The following VDR variants were observed in gnomAD, a reference collection of about 807,000 sequenced individuals.
VDR encodes vitamin D3 receptor.
Under a neutral mutation model 39.7 loss-of-function variants are expected in VDR, and 19 were observed. The ratio of observed to expected loss-of-function variants is 0.48; its 90% CI spans 0.33 to 0.70. The LOEUF (loss-of-function observed/expected upper bound fraction) is 0.70, where lower values mean the gene tolerates loss of function less well. VDR is among the 30% of genes least tolerant of loss of function. VDR has a pLI of 0.02. For missense variants in VDR, 442 were observed against 570.5 expected, an observed-to-expected ratio of 0.77 and a Z score of 2.29; for synonymous variants, 242 against 215.8, an observed-to-expected ratio of 1.12 and a Z score of -1.07.
chr12:47,873,963 C>T (rs533085281), intron 3 of VDR, among the ~76,000 whole-genome samples: 2 of 152,306 alleles, frequency 1.3e-5, no homozygotes, highest in East Asian at 3.9e-4. Flanking sequence ...AACCCAAGCA[C>T]AGGGAAGATC....
rs963651705 is a variant in VDR at position 47,842,195 on chromosome 12, G to C, written c.*2551C>G. 1 of 152,578 alleles carries C rather than the reference G, an allele frequency of 6.6e-6. No homozygotes were observed. Among genetic ancestry groups the C allele is most frequent in the African/African-American group, 2.4e-5 (1 of 41,458 alleles). The allele number at this position is 152,578 out of a possible 1,614,324, so 9.5% of individuals were successfully genotyped here. On this transcript the variant is annotated 3_prime_UTR_variant, in exon 10 of 10. Transcript: ENST00000549336. ...GCATTATCCAAGGCTGAGGTGGAGA[G>C]CCCAGCAGGCCAGGGCCACATCGTG...
intron 6 of VDR, 137 bp downstream of exon 6, chr12:47,856,992 G>A (rs1422283985): frequency 1.8e-5 from 24 of 1,351,480 alleles, no homozygotes; most frequent in East Asian, 1.5e-4. Context: ...TTGTGAAGAC[G>A]CTGCATAGCG....
chr12:47,846,465 TG>T lies in VDR; in HGVS notation c.908-15del, dbSNP rs754403951. 3 of 1,561,704 alleles carry T rather than the reference TG, an allele frequency of 1.9e-6. No individual in the cohort carries two copies. In the East Asian group the frequency reaches 7.1e-5, roughly 37 times the overall value. ...GGCTGTGTCCGGCTGTGAGAGACAATGGCCAGGTACTGCGGGCAGAGCTGAG... is the reference window on the plus strand; with the variant it reads ...GGCTGTGTCCGGCTGTGAGAGACAATGCCAGGTACTGCGGGCAGAGCTGAG... On this transcript the variant is annotated splice_polypyrimidine_tract_variant and intron_variant, in intron 8 of 9. Transcript: ENST00000549336.
intron 3 of VDR, among the ~76,000 whole-genome samples, chr12:47,869,474 TG>T (rs1194364705): frequency 2.2e-5 from 3 of 135,138 alleles, no homozygotes; most frequent in African/African-American, 8.3e-5. Context: ...AGGTGGAGCT[TG>T]CAGTGAGCTG....
At chr12:47,867,453 G>T (rs1403957711) in intron 3 of VDR, among the ~76,000 whole-genome samples, 1 of 151,998 alleles carries the variant, frequency 6.6e-6, no homozygotes, top group Non-Finnish European at 1.5e-5. Context: ...ACATTTAAGG[G>T]CTCATTTTCC....
At chr12:47,865,519 C>T (rs1447210741) in intron 3 of VDR, among the ~76,000 whole-genome samples, 6 of 152,124 alleles carry the variant, frequency 3.9e-5, no homozygotes, top group African/African-American at 1.2e-4. Context: ...TCAAGTAATC[C>T]TCCTGCTTCA....
chr12:47,884,467 A>C (rs961672852), intron 1 of VDR, among the ~76,000 whole-genome samples: 1 of 152,104 alleles, frequency 6.6e-6, no homozygotes, highest in Non-Finnish European at 1.5e-5. Context: ...GTAGTGCCCA[A>C]CTGGGTCCTT....
chr12:47,891,311 A>G (rs1946364781), intron 1 of VDR, among the ~76,000 whole-genome samples: 1 of 152,216 alleles, frequency 6.6e-6, no homozygotes, highest in African/African-American at 2.4e-5. Flanking sequence ...ATCTCTGAGT[A>G]GCCCTCAGAA....
chr12:47,878,206 G>T (rs991461685), intron 3 of VDR, among the ~76,000 whole-genome samples: 4 of 152,050 alleles, frequency 2.6e-5, no homozygotes, highest in African/African-American at 9.7e-5. Context: ...CTTCTTTCAG[G>T]CTATTCTCTC....
chr12:47,882,631 C>A, intron 2 of VDR, 63 bp downstream of exon 2: 1 of 406,932 alleles, frequency 2.5e-6, no homozygotes. Flanking sequence ...ATGCCCCTCC[C>A]CCCCACCCCG....
chr12:47,846,672 T>C lies in VDR; in HGVS notation c.892A>G (p.Ser298Gly), dbSNP rs775600453. The change falls in exon 8 of 10, where the codon AGT (serine) becomes GGT (glycine). Residue 298 changes from serine (S) to glycine (G), a missense_variant. By Grantham distance (56) the Ser-to-Gly change is moderately conservative (BLOSUM62 0). Transcript: ENST00000549336. ...CTAGGCATACCTTTGGTCACGTCAC[T>C]GACGCGGTACTTGTAGTCTTGGTTG... ...CGNQDYKYRV[S>G]DVTKAGHSLE... 1.2e-6 allele frequency: 2 copies of C among 1,613,772 alleles called. No individual in the cohort carries two copies. The highest frequency in any genetic ancestry group is 2.7e-5 in the African/African-American group (2 of 74,932).
At chr12:47,857,067 C>G in intron 6 of VDR, 62 bp downstream of exon 6, 5 of 1,609,954 alleles carry the variant, frequency 3.1e-6, no homozygotes, top group Non-Finnish European at 4.2e-6. Context: ...AGCCCCAGGG[C>G]AGGTGCGGTG....
intron 1 of VDR, among the ~76,000 whole-genome samples, chr12:47,902,355 C>A (rs1172376584): frequency 6.6e-6 from 1 of 152,214 alleles, no homozygotes; most frequent in East Asian, 1.9e-4. Flanking sequence ...GCCAGGCTGG[C>A]TTCAGCCCAG....
In VDR at chr12:47,903,936, T is replaced by C. The variant is rs111360637; in HGVS notation, c.-84+1019A>G. Among the ~76,000 whole-genome samples, 994 of 152,176 alleles carry C rather than the reference T, an allele frequency of 6.5e-3. 15 individuals carry two copies. Among genetic ancestry groups the C allele is most frequent in the African/African-American group, 0.023 (955 of 41,502 alleles). On this transcript the variant is annotated intron_variant, in intron 1 of 9. Transcript: ENST00000549336. ...CCCCTGCCCATGAGGAAGACCACCT[T>C]CCAGCAGGGAGCTGGAGCAGAGCTG...
chr12:47,847,935 T>C (rs1945310064), intron 7 of VDR, among the ~76,000 whole-genome samples: 1 of 152,130 alleles, frequency 6.6e-6, no homozygotes, highest in Admixed American at 6.5e-5. Context: ...AGTCTCACTT[T>C]GTCGCCCAGG....
chr12:47,866,255 C>G (rs1171880899), intron 3 of VDR, among the ~76,000 whole-genome samples: 1 of 151,886 alleles, frequency 6.6e-6, no homozygotes, highest in Non-Finnish European at 1.5e-5. Context: ...CTACAGGCGC[C>G]CACCACCGCA....
chr12:47,859,661 T>G (rs1945565952), intron 4 of VDR, among the ~76,000 whole-genome samples: 1 of 152,216 alleles, frequency 6.6e-6, no homozygotes, highest in Non-Finnish European at 1.5e-5. Context: ...ATATTTAGTC[T>G]TTCCCACACA....
At chr12:47,851,331 G>C (rs1945383916) in intron 7 of VDR, among the ~76,000 whole-genome samples, 1 of 152,066 alleles carries the variant, frequency 6.6e-6, no homozygotes, top group Admixed American at 6.5e-5. Flanking sequence ...GAGATTTGTG[G>C]GGTGAGACTG....
intron 1 of VDR, among the ~76,000 whole-genome samples, chr12:47,894,706 C>A (rs1160862529): frequency 6.6e-6 from 1 of 152,224 alleles, no homozygotes; most frequent in Non-Finnish European, 1.5e-5. Context: ...GCTTTTGGAA[C>A]AATAGCTCAG....
Sources: gnomAD v4.1 joint callset for allele counts (sites outside exome capture counted in the v4.1 genomes callset) on GRCh38, gnomAD v4.1.1 for gene constraint, MANE v1.5 for transcripts, NCBI Gene and HGNC (gene_info 2026-07-23, HGNC 2026-07-21) for gene names.